Variants in CCDC7 observed in about 807,000 individuals in gnomAD.
CCDC7 encodes the protein coiled-coil domain-containing protein 7.
A neutral mutation model predicts 196.9 loss-of-function variants in CCDC7; 183 were observed. The observed-to-expected ratio is 0.93, with a 90% confidence interval of 0.82 to 1.05. The LOEUF (loss-of-function observed/expected upper bound fraction) is 1.05. Among genes scored for constraint, CCDC7 ranks in the 50% least tolerant of loss-of-function variants. CCDC7 has a pLI of 0.00. For synonymous variants in CCDC7, 525 were observed against 484.6 expected (o/e 1.08, Z -1.10); for missense variants, 1,540 against 1,482.2 (o/e 1.04, Z -0.64).
chr10:32,854,305 T>C, intron 40 of CCDC7, 95 bp from the exon 42 acceptor site: 1 of 714,946 alleles, frequency 1.4e-6, no homozygotes, highest in Non-Finnish European at 2.3e-6. Flanking sequence ...GTAAGGAAAC[T>C]GTGTTTTAGA....
At chr10:32,628,778 C>T (rs1055650547) in intron 18 of CCDC7, among the ~76,000 whole-genome samples, 20 of 151,876 alleles carry the variant, frequency 1.3e-4, no homozygotes, top group African/African-American at 4.6e-4. Flanking sequence ...TTTCCAGGAC[C>T]ATGTTTCATT....
intron 41 of CCDC7, among the ~76,000 whole-genome samples, chr10:32,867,808 C>T (rs994918187): frequency 1.3e-5 from 2 of 151,744 alleles, no homozygotes; most frequent in Non-Finnish European, 2.9e-5. Flanking sequence ...TTTAAGTGTA[C>T]AGTTTAGTCG....
intron 25 of CCDC7, among the ~76,000 whole-genome samples, chr10:32,722,514 G>A (rs1420452889): frequency 6.6e-6 from 1 of 152,068 alleles, no homozygotes; most frequent in Non-Finnish European, 1.5e-5. Context: ...GCCTCTGCCT[G>A]AGCTCCTTGT....
At chr10:32,764,246 A>G (rs1158207569) in intron 28 of CCDC7, among the ~76,000 whole-genome samples, 2 of 150,736 alleles carry the variant, frequency 1.3e-5, no homozygotes, top group African/African-American at 4.9e-5. Flanking sequence ...ATAATTAGAC[A>G]CAAGTCCCAC....
chr10:32,702,374 G>C (rs973483255), intron 24 of CCDC7, among the ~76,000 whole-genome samples: 1 of 152,114 alleles, frequency 6.6e-6, no homozygotes, highest in African/African-American at 2.4e-5. Context: ...ATTGCACTGT[G>C]GTCTGAGAGA....
At chr10:32,873,186 A>C (rs932275833) in intron 41 of CCDC7, among the ~76,000 whole-genome samples, 6 of 152,104 alleles carry the variant, frequency 3.9e-5, no homozygotes, top group Non-Finnish European at 8.8e-5. Flanking sequence ...AATCAGACAT[A>C]GATTTGGTCT....
chr10:32,643,795 G>A (rs536450126), intron 20 of CCDC7, among the ~76,000 whole-genome samples: 4 of 150,554 alleles, frequency 2.7e-5, no homozygotes, highest in South Asian at 4.2e-4. Context: ...ATTTTTACAT[G>A]TAACTTCATA....
intron 13 of CCDC7, among the ~76,000 whole-genome samples, chr10:32,545,477 C>CA (rs1295290590): frequency 6.6e-6 from 1 of 152,188 alleles, no homozygotes; most frequent in Non-Finnish European, 1.5e-5. Flanking sequence ...ATGAGTGTTA[C>CA]ATGGTTTGGG....
At chr10:32,501,810 G>A (rs777784806) in intron 9 of CCDC7, among the ~76,000 whole-genome samples, 14 of 152,338 alleles carry the variant, frequency 9.2e-5, no homozygotes, top group African/African-American at 3.1e-4. Flanking sequence ...GTCTGGATAC[G>A]TGGATGGTCA....
intron 8 of CCDC7, among the ~76,000 whole-genome samples, chr10:32,484,018 T>A (rs2040500042): frequency 6.6e-6 from 1 of 152,230 alleles, no homozygotes; most frequent in Non-Finnish European, 1.5e-5. Flanking sequence ...AGTAGTTTTT[T>A]CGAATTCTAT....
intron 13 of CCDC7, among the ~76,000 whole-genome samples, chr10:32,551,992 G>A (rs1250626130): frequency 6.6e-6 from 1 of 152,100 alleles, no homozygotes; most frequent in Non-Finnish European, 1.5e-5. Flanking sequence ...TACTGTCAGT[G>A]GAGTACTTAA....
chr10:32,558,091 A>G (rs1041455033), intron 13 of CCDC7, among the ~76,000 whole-genome samples: 6 of 152,178 alleles, frequency 3.9e-5, no homozygotes, highest in Non-Finnish European at 7.4e-5. Flanking sequence ...AAACATCTGT[A>G]TGTGAATTTT....
At chr10:32,576,886 C>G (rs3006741) in intron 16 of CCDC7, among the ~76,000 whole-genome samples, 150,918 of 152,238 alleles carry the variant, frequency 0.99, 74,823 homozygotes, top group Middle Eastern at 1. Context: ...TTTGAACAGG[C>G]ACCCAAGACT....
intron 18 of CCDC7, among the ~76,000 whole-genome samples, chr10:32,605,133 C>T (rs1418878369): frequency 6.6e-6 from 1 of 152,016 alleles, no homozygotes; most frequent in Non-Finnish European, 1.5e-5. Context: ...TCATTACTTC[C>T]ACTCTCTCTA....
chr10:32,678,756 T>C (rs1055848372), intron 21 of CCDC7, among the ~76,000 whole-genome samples: 3 of 152,200 alleles, frequency 2.0e-5, no homozygotes, highest in African/African-American at 7.2e-5. Context: ...GGCACTGTGC[T>C]GTGACAGCTT....
intron 23 of CCDC7, among the ~76,000 whole-genome samples, chr10:32,691,776 G>A (rs1023432297): frequency 1.3e-5 from 2 of 152,232 alleles, no homozygotes; most frequent in Admixed American, 6.5e-5. Flanking sequence ...AGACAGCGGA[G>A]TGCCTCAAGG....
At chr10:32,743,272 T>A (rs12571760) in intron 28 of CCDC7, among the ~76,000 whole-genome samples, 13,541 of 152,206 alleles carry the variant, frequency 0.089, 862 homozygotes, top group East Asian at 0.33. Flanking sequence ...TCTTGTAAAT[T>A]TGTTTGAGTT....
At chr10:32,815,543 G>A (rs2088251294) in intron 31 of CCDC7, among the ~76,000 whole-genome samples, 1 of 152,096 alleles carries the variant, frequency 6.6e-6, no homozygotes, top group Non-Finnish European at 1.5e-5. Flanking sequence ...AATACCAGAA[G>A]GAGAGTCTTC....
chr10:32,733,965 T>A (rs1431085121), intron 28 of CCDC7, among the ~76,000 whole-genome samples: 2 of 152,166 alleles, frequency 1.3e-5, no homozygotes, highest in Non-Finnish European at 2.9e-5. Flanking sequence ...AGAGAACACT[T>A]ACACACTGTT....
Sources: gnomAD v4.1 joint callset for allele counts (sites outside exome capture counted in the v4.1 genomes callset) on GRCh38, gnomAD v4.1.1 for gene constraint, MANE v1.5 for transcripts, NCBI Gene and HGNC (gene_info 2026-07-23, HGNC 2026-07-21) for gene names.